MYH10: variants seen among roughly 807,000 people sequenced by gnomAD.
The protein encoded by MYH10 is myosin heavy chain 10, also known as myosin-10.
In MYH10, 55 loss-of-function variants were observed where a neutral mutation model predicts 257.8. The observed-to-expected ratio is 0.21, with a 90% CI of 0.17 to 0.27. The LOEUF (loss-of-function observed/expected upper bound fraction) is 0.27. MYH10 is among the 10% of genes least tolerant of loss of function. The pLI, the probability that MYH10 is intolerant of heterozygous loss-of-function variation, is 1.00. For missense variants in MYH10, 1,631 were observed against 2,500.6 expected (o/e 0.65, Z 7.42); for synonymous variants, 854 against 921.7 (o/e 0.93, Z 1.33).
intron 3 of MYH10, among the ~76,000 whole-genome samples, chr17:8,595,242 G>A (rs371982250): frequency 2.0e-5 from 3 of 152,048 alleles, no homozygotes; most frequent in East Asian, 1.9e-4. Context: ...CTACAGTAAA[G>A]GATAATGGGT....
At chr17:8,537,245 T>A (rs1235570424) in intron 14 of MYH10, among the ~76,000 whole-genome samples, 1 of 152,212 alleles carries the variant, frequency 6.6e-6, no homozygotes, top group Admixed American at 6.5e-5. Flanking sequence ...ACTCATGAAA[T>A]CAGCTGTTTG....
Position 8,500,934 on chromosome 17 carries a change from T to C in MYH10, c.3636A>G (p.Lys1212=). 2 of 1,614,162 alleles carry C rather than the reference T, an allele frequency of 1.2e-6. No homozygotes were observed. The highest frequency in any genetic ancestry group is 1.7e-6 in the Non-Finnish European group (2 of 1,180,034). ...GGTTCTTAGTTTCCTCCTCAAGAGC[T>C]TTCTTCAGCTCTGCCACTTCTTGTT... ...KREQEVAELK[K]ALEEETKNHE... The change falls in exon 29 of 43, where the codon AAA becomes AAG. Residue 1212 remains lysine, a synonymous_variant. Coordinates refer to ENST00000360416, the MANE Select transcript of MYH10 (RefSeq NM_001256012.3).
At chr17:8,547,074 G>A (rs1387111606) in intron 11 of MYH10, among the ~76,000 whole-genome samples, 1 of 152,070 alleles carries the variant, frequency 6.6e-6, no homozygotes, top group African/African-American at 2.4e-5. Flanking sequence ...CTGCTGGGAG[G>A]CTACCATATA....
chr17:8,510,607 A>G (rs1422530606), intron 24 of MYH10, among the ~76,000 whole-genome samples: 6 of 152,354 alleles, frequency 3.9e-5, no homozygotes, highest in Non-Finnish European at 5.9e-5. Flanking sequence ...GTTAAATGGA[A>G]TAATATATAG....
At chr17:8,610,271 C>CAAGAAAAAAAAAAAAAAA (rs2084977666) in intron 2 of MYH10, among the ~76,000 whole-genome samples, 1 of 45,972 alleles carries the variant, frequency 2.2e-5, no homozygotes, top group Non-Finnish European at 3.5e-5. Context: ...CATAGGATTG[C>CAAGAAAAAAAAAAAAAAA]AAAAAAAAAA....
At chr17:8,565,032 G>A (rs2083120239) in intron 7 of MYH10, among the ~76,000 whole-genome samples, 1 of 152,108 alleles carries the variant, frequency 6.6e-6, no homozygotes, top group Non-Finnish European at 1.5e-5. Flanking sequence ...TAGGTATTTT[G>A]TCTTTCTAGG....
At chr17:8,485,205 A>G (rs570358834) in intron 36 of MYH10, among the ~76,000 whole-genome samples, 9 of 152,214 alleles carry the variant, frequency 5.9e-5, no homozygotes, top group Non-Finnish European at 1.3e-4. Context: ...CTATACACCA[A>G]CTATGAACAT....
intron 19 of MYH10, among the ~76,000 whole-genome samples, chr17:8,519,401 A>C (rs1372161852): frequency 6.6e-6 from 1 of 152,156 alleles, no homozygotes; most frequent in Non-Finnish European, 1.5e-5. Context: ...TATCAGGGTG[A>C]CATGTGACAT....
chr17:8,492,681 G>GT lies in MYH10; in HGVS notation c.4458+94dup. 2.6e-6 allele frequency: 3 copies of GT among 1,155,190 alleles called. No homozygotes were observed. In the South Asian group the frequency reaches 4.7e-5, roughly 18 times the overall value. 71.6% of individuals were successfully genotyped at this position (1,155,190 alleles called of 1,614,324 possible). A position where few individuals can be genotyped will look rare whatever the true frequency, so the allele number is the denominator to read the frequency against. Reference sequence around the variant, plus strand: ...CTTTTTCCAATTTTGATATAAACATGTATCACATTTAAATGCCTTTAAATA... The same window carrying GT: ...CTTTTTCCAATTTTGATATAAACATGTTATCACATTTAAATGCCTTTAAATA... On this transcript the variant is annotated intron_variant, in intron 33 of 42. Transcript: ENST00000360416.
At chr17:8,546,747 A>C (rs1031165569) in intron 11 of MYH10, 85 bp from the exon 12 acceptor site, 5 of 958,546 alleles carry the variant, frequency 5.2e-6, no homozygotes, top group Admixed American at 2.4e-5. Context: ...GAAAAACCTT[A>C]GTAACAATTA....
chr17:8,584,877 CT>C (rs2083836354), intron 4 of MYH10, among the ~76,000 whole-genome samples: 1 of 152,018 alleles, frequency 6.6e-6, no homozygotes, highest in South Asian at 2.1e-4. Context: ...GAGTTTCGCT[CT>C]TATTGCCCAG....
chr17:8,538,821 C>G (rs1432979547), intron 14 of MYH10, among the ~76,000 whole-genome samples: 1 of 152,162 alleles, frequency 6.6e-6, no homozygotes, highest in Non-Finnish European at 1.5e-5. Context: ...CCAATACTTT[C>G]TGAATGCCCT....
intron 28 of MYH10, among the ~76,000 whole-genome samples, chr17:8,502,178 CCT>C (rs1381866721): frequency 1.3e-5 from 2 of 152,192 alleles, no homozygotes; most frequent in African/African-American, 2.4e-5. Flanking sequence ...CCTCTCTTCA[CCT>C]CTCTTTTCCT....
intron 8 of MYH10, among the ~76,000 whole-genome samples, chr17:8,553,271 T>C (rs2082698860): frequency 6.6e-6 from 1 of 152,216 alleles, no homozygotes; most frequent in African/African-American, 2.4e-5. Flanking sequence ...AATACTGTTC[T>C]TAACCAGAAA....
At chr17:8,591,354 C>G (rs1423839677) in intron 3 of MYH10, among the ~76,000 whole-genome samples, 1 of 152,166 alleles carries the variant, frequency 6.6e-6, no homozygotes, top group Non-Finnish European at 1.5e-5. Flanking sequence ...TGCTAGGTGC[C>G]ATGTGGGCAC....
rs1170700425 is a variant in MYH10 at position 8,576,499 on chromosome 17, T to G, written c.663+144A>C. On this transcript the variant is annotated intron_variant, in intron 6 of 42. Coordinates refer to ENST00000360416, the MANE Select transcript of MYH10 (RefSeq NM_001256012.3). ...CGCTTCTCAAGAAAGAATAAGGCTC[T>G]AAGCAATAAATTTTCAAAATTAAAA... 1.2e-5 allele frequency: 9 copies of G among 753,502 alleles called. No homozygotes were observed. The East Asian group carries it at 2.5e-4, about 21-fold the overall frequency. The allele number at this position is 753,502 out of a possible 1,614,324, so 46.7% of individuals were successfully genotyped here.
rs531364954 is a variant in MYH10, at chr17:8,531,670, C to T, written c.1895-985G>A. Among the ~76,000 whole-genome samples, 35 of 151,626 alleles carry T rather than the reference C, an allele frequency of 2.3e-4. No homozygotes were observed. The South Asian group carries it at 6.5e-3, about 28-fold the overall frequency. On this transcript the variant is annotated intron_variant, in intron 16 of 42. Coordinates refer to ENST00000360416, the MANE Select transcript of MYH10 (RefSeq NM_001256012.3). Reference sequence around the variant, plus strand: ...CCTCCCAAACTGCTGGGATTACAGGCGTGAGCCACCGTGCCCAGCCATAAA... The same window carrying T: ...CCTCCCAAACTGCTGGGATTACAGGTGTGAGCCACCGTGCCCAGCCATAAA...
At chr17:8,487,642 C>A in intron 35 of MYH10, 48 bp from the exon 36 acceptor site, 1 of 1,609,244 alleles carries the variant, frequency 6.2e-7, no homozygotes, top group South Asian at 1.1e-5. Flanking sequence ...AGTATCTGCT[C>A]GCAGAACAGG....
At chr17:8,608,167 TGATGA>T (rs1000871267) in intron 2 of MYH10, among the ~76,000 whole-genome samples, 2 of 151,952 alleles carry the variant, frequency 1.3e-5, no homozygotes, top group Non-Finnish European at 2.9e-5. Context: ...CATCTATGGG[TGATGA>T]GGTATTGAAG....
Sources: gnomAD v4.1 joint callset for allele counts (sites outside exome capture counted in the v4.1 genomes callset) on GRCh38, gnomAD v4.1.1 for gene constraint, MANE v1.5 for transcripts, NCBI Gene and HGNC (gene_info 2026-07-23, HGNC 2026-07-21) for gene names.